DEPDC5: variants seen among roughly 807,000 people sequenced by gnomAD.
DEPDC5 encodes the protein GATOR1 complex protein DEPDC5.
A neutral mutation model predicts 217.3 loss-of-function variants in DEPDC5; 73 were observed. The ratio of observed to expected loss-of-function variants is 0.34; its 90% CI spans 0.28 to 0.41. The LOEUF is 0.41. Among genes scored for constraint, DEPDC5 ranks in the 10% least tolerant of loss-of-function variants. The pLI is 1.00. For missense variants in DEPDC5, 1,675 were observed against 2,070.1 expected (o/e 0.81, Z 3.70); for synonymous variants, 733 against 756.7 (o/e 0.97, Z 0.51).
At chr22:31,815,292 G>T (rs2088939840) in intron 21 of DEPDC5, 80 bp downstream of exon 21, 2 of 1,477,082 alleles carry the variant, frequency 1.4e-6, no homozygotes, top group Admixed American at 3.6e-5. Flanking sequence ...GGATTGGTCA[G>T]AGGTGGGGTG....
At chr22:31,773,799 T>C (rs1349793638) in intron 7 of DEPDC5, among the ~76,000 whole-genome samples, 1 of 152,158 alleles carries the variant, frequency 6.6e-6, no homozygotes, top group East Asian at 1.9e-4. Context: ...GAGCCGGGTG[T>C]GGTGGCTCAC....
Position 31,901,635 on chromosome 22 carries a change from T to G in DEPDC5, c.4376-107T>G, listed in dbSNP as rs144816322. On this transcript the variant is annotated intron_variant, in intron 40 of 42. Coordinates refer to ENST00000651528, the MANE Select transcript of DEPDC5 (RefSeq NM_001242896.3). Reference sequence around the variant, plus strand: ...TAGTATGGAGAAGCAGAGGTTAGGCTCAAGGGGACTGATTGCCAAGAGTAG... The same window carrying G: ...TAGTATGGAGAAGCAGAGGTTAGGCGCAAGGGGACTGATTGCCAAGAGTAG... 1.7e-3 allele frequency: 1,645 copies of G among 946,832 alleles called. 4 individuals carry two copies. Among genetic ancestry groups the G allele is most frequent in the Non-Finnish European group, 2.3e-3 (1,397 of 608,724 alleles). 58.7% of individuals were successfully genotyped at this position (946,832 alleles called of 1,614,324 possible). A position where few individuals can be genotyped will look rare whatever the true frequency, so the allele number is the denominator to read the frequency against.
intron 41 of DEPDC5, among the ~76,000 whole-genome samples, chr22:31,905,498 C>T (rs1203762277): frequency 6.6e-6 from 1 of 151,784 alleles, no homozygotes; most frequent in Non-Finnish European, 1.5e-5. Context: ...AAGATAAGGA[C>T]CTTCCCTGGA....
chr22:31,895,852 A>G (rs752775561), intron 39 of DEPDC5, among the ~76,000 whole-genome samples: 11 of 151,938 alleles, frequency 7.2e-5, no homozygotes, highest in African/African-American at 9.7e-5. Context: ...AACATCCTTA[A>G]GGTCCAAATA....
rs771489006 is a variant in DEPDC5 at position 31,754,101 on chromosome 22, G to A, written c.-124G>A. 1 of 153,432 alleles carries A rather than the reference G, an allele frequency of 6.5e-6. No individual in the cohort carries two copies. Among genetic ancestry groups the A allele is most frequent in the Non-Finnish European group, 1.4e-5 (1 of 68,994 alleles). 9.5% of individuals were successfully genotyped at this position (153,432 alleles called of 1,614,324 possible). A position where few individuals can be genotyped will look rare whatever the true frequency, so the allele number is the denominator to read the frequency against. ...GCGGGGTATCTGGAGGAGGCGCAGG[G>A]AACCTGGAGAGGGTCCAGCCCTCAG... On this transcript the variant is annotated 5_prime_UTR_variant, in exon 1 of 43. Transcript: ENST00000651528.
At chr22:31,837,323 C>T (rs1479442253) in intron 26 of DEPDC5, 168 bp downstream of exon 26, 2 of 669,534 alleles carry the variant, frequency 3.0e-6, no homozygotes, top group African/African-American at 3.7e-5. Flanking sequence ...TTTAAAAAAA[C>T]ATTGAATTGT....
At chr22:31,879,499 C>T in intron 37 of DEPDC5, 26 bp from the exon 38 acceptor site, 14 of 1,597,908 alleles carry the variant, frequency 8.8e-6, no homozygotes, top group Non-Finnish European at 1.2e-5. Context: ...GTTGAGTACT[C>T]CTTCTCTCCC....
chr22:31,797,009 T>C (rs1299375258), intron 12 of DEPDC5, among the ~76,000 whole-genome samples: 1 of 151,812 alleles, frequency 6.6e-6, no homozygotes, highest in South Asian at 2.1e-4. Flanking sequence ...TTTTTTTTTT[T>C]TTTAATGCTT....
intron 10 of DEPDC5, 53 bp from the exon 11 acceptor site, chr22:31,791,980 T>A: frequency 2.1e-6 from 2 of 948,976 alleles, no homozygotes; most frequent in Non-Finnish European, 3.3e-6. Flanking sequence ...GTCTGCTTCA[T>A]AGTGAAGTAA....
At chr22:31,761,374 C>A (rs1199601871) in intron 4 of DEPDC5, among the ~76,000 whole-genome samples, 2 of 152,086 alleles carry the variant, frequency 1.3e-5, no homozygotes, top group African/African-American at 2.4e-5. Context: ...TAGGTAAGAA[C>A]ATGCAGTATT....
chr22:31,824,363 G>A (rs2089970845), intron 24 of DEPDC5, among the ~76,000 whole-genome samples: 1 of 151,784 alleles, frequency 6.6e-6, no homozygotes. Flanking sequence ...AAAAAAAAAA[G>A]AAAGGTGTCA....
At chr22:31,790,241 C>G (rs1310405313) in intron 10 of DEPDC5, among the ~76,000 whole-genome samples, 1 of 152,016 alleles carries the variant, frequency 6.6e-6, no homozygotes, top group East Asian at 1.9e-4. Flanking sequence ...ATATTATGTG[C>G]CTTATATAGT....
At chr22:31,770,922 A>G (rs916754403) in intron 7 of DEPDC5, among the ~76,000 whole-genome samples, 2 of 149,706 alleles carry the variant, frequency 1.3e-5, no homozygotes, top group African/African-American at 4.9e-5. Flanking sequence ...CTCCTGAACT[A>G]CAGGCACGTG....
At chr22:31,880,318 T>G (rs1286432923) in intron 38 of DEPDC5, 2 of 158,170 alleles carry the variant, frequency 1.3e-5, no homozygotes, top group Admixed American at 5.9e-5. Context: ...AGCTGCTTAT[T>G]GAAAGGCAAT....
At chr22:31,774,527 A>C (rs1350132093) in intron 7 of DEPDC5, among the ~76,000 whole-genome samples, 15 of 150,510 alleles carry the variant, frequency 1.0e-4, no homozygotes, top group Admixed American at 9.9e-4. Flanking sequence ...AGGTCCTGTG[A>C]ATGTGGGGTT....
At chr22:31,882,252 ATT>A (rs1439062752) in intron 38 of DEPDC5, among the ~76,000 whole-genome samples, 1 of 152,138 alleles carries the variant, frequency 6.6e-6, no homozygotes, top group East Asian at 1.9e-4. Context: ...AAAATTAAGA[ATT>A]TTCATCTCTG....
intron 3 of DEPDC5, 79 bp downstream of exon 3, chr22:31,758,712 C>T: frequency 7.4e-7 from 1 of 1,353,786 alleles, no homozygotes; most frequent in South Asian, 1.2e-5. Flanking sequence ...CTCTCTTTGC[C>T]TTTCAAAATG....
At chr22:31,876,733 G>A (rs76226452) in intron 37 of DEPDC5, among the ~76,000 whole-genome samples, 410 of 152,254 alleles carry the variant, frequency 2.7e-3, no homozygotes, top group Non-Finnish European at 4.4e-3. Flanking sequence ...AATATTTTAA[G>A]TATCTGTGGG....
chr22:31,838,517 C>T (rs552737837), intron 26 of DEPDC5, among the ~76,000 whole-genome samples, 168 bp from the exon 27 acceptor site: 1 of 152,208 alleles, frequency 6.6e-6, no homozygotes, highest in Non-Finnish European at 1.5e-5. Flanking sequence ...TTCCAGAGTG[C>T]TAGGATTACA....
Sources: allele counts gnomAD v4.1 joint callset (sites outside exome capture counted in the v4.1 genomes callset), GRCh38; gene constraint gnomAD v4.1.1; transcripts MANE v1.5; gene names NCBI Gene and HGNC (gene_info 2026-07-23, HGNC 2026-07-21).